CASK: variants seen among roughly 807,000 people sequenced by gnomAD.
CASK encodes peripheral plasma membrane protein CASK.
In CASK, 4 loss-of-function variants were observed where a neutral mutation model predicts 82.9. The observed-to-expected ratio is 0.05, with a 90% confidence interval of 0.02 to 0.11. The LOEUF (loss-of-function observed/expected upper bound fraction) is 0.11, where lower values mean the gene tolerates loss of function less well. CASK is among the 10% of genes least tolerant of loss of function. The probability of loss-of-function intolerance (pLI) is 1.00; values close to 1 mark genes in which losing one functional copy is unlikely to be tolerated. For synonymous variants in CASK, 259 were observed against 253.5 expected (o/e 1.02, Z -0.20); for missense variants, 358 against 720.9 (o/e 0.50, Z 5.76).
At chrX:41,859,917 C>A (rs2071445260) in intron 1 of CASK, among the ~76,000 whole-genome samples, 1 of 111,295 alleles carries the variant, frequency 9.0e-6, no homozygotes, top group African/African-American at 3.3e-5. Context: ...ATTCAGCATT[C>A]ATGGTAACTT....
chrX:41,708,072 C>T (rs760953110), intron 5 of CASK, among the ~76,000 whole-genome samples: 51 of 102,676 alleles, frequency 5.0e-4, no homozygotes, highest in African/African-American at 1.4e-3. Context: ...GAGCCGAGAT[C>T]GCGCCACTGC....
At chrX:41,654,759 C>G (rs1429205938) in intron 8 of CASK, among the ~76,000 whole-genome samples, 3 of 111,966 alleles carry the variant, frequency 2.7e-5, no homozygotes, top group South Asian at 7.4e-4. Context: ...ATAATACTAT[C>G]AAAGGTTGGT....
chrX:41,743,396 T>TA (rs1270962426), intron 4 of CASK, among the ~76,000 whole-genome samples: 1 of 112,098 alleles, frequency 8.9e-6, no homozygotes, highest in Non-Finnish European at 1.9e-5. Context: ...AGATGGGATT[T>TA]AAAAAAACCC....
At chrX:41,578,818 C>T (rs1455309660) in intron 14 of CASK, among the ~76,000 whole-genome samples, 1 of 111,825 alleles carries the variant, frequency 8.9e-6, no homozygotes, top group Non-Finnish European at 1.9e-5. Flanking sequence ...ATATCTCATT[C>T]TTTTCCTCTC....
In CASK at chrX:41,748,825, C is replaced by T. The variant is rs768041059; in HGVS notation, c.279-3224G>A. ...GAAATACTTGGAAATTATTTACTGC[C>T]CTGTGCTATAATTATCAGCAAGGAT... is the stretch of plus-strand genomic sequence containing the variant. On this transcript the variant is annotated intron_variant, in intron 3 of 26. Transcript: ENST00000378163. Among the ~76,000 whole-genome samples the T allele has an allele frequency of 3.6e-5, 4 of 111,427 alleles. No homozygotes were observed. In the South Asian group the frequency reaches 1.5e-3, roughly 42 times the overall value.
intron 17 of CASK, among the ~76,000 whole-genome samples, chrX:41,561,169 C>T (rs2065223620): frequency 9.0e-6 from 1 of 111,390 alleles, no homozygotes; most frequent in Non-Finnish European, 1.9e-5. Flanking sequence ...GAGAAATCCA[C>T]GACAGCTGGC....
intron 11 of CASK, among the ~76,000 whole-genome samples, chrX:41,620,773 A>G (rs1364417313): frequency 8.9e-6 from 1 of 112,247 alleles, no homozygotes; most frequent in Non-Finnish European, 1.9e-5. Context: ...TTTGGACATA[A>G]GCATCTGTGC....
chrX:41,883,282 A>G (rs1452088259), intron 1 of CASK, among the ~76,000 whole-genome samples: 1 of 111,935 alleles, frequency 8.9e-6, no homozygotes, highest in African/African-American at 3.2e-5. Flanking sequence ...TGAAAGTCAC[A>G]TAATTTGAAG....
At chrX:41,578,217 T>C in intron 15 of CASK, 123 bp downstream of exon 15, 1 of 482,113 alleles carries the variant, frequency 2.1e-6, no homozygotes, top group Non-Finnish European at 3.5e-6. Context: ...TGGAAACTGA[T>C]TTCTTTAAAA....
chrX:41,612,709 G>T (rs2066104422), intron 11 of CASK, among the ~76,000 whole-genome samples: 1 of 87,859 alleles, frequency 1.1e-5, no homozygotes, highest in Non-Finnish European at 2.2e-5. Context: ...AGGTGGGGGG[G>T]TCAGCTCCCC....
intron 8 of CASK, among the ~76,000 whole-genome samples, chrX:41,649,882 G>A (rs1328613817): frequency 9.0e-6 from 1 of 111,230 alleles, no homozygotes; most frequent in Non-Finnish European, 1.9e-5. Flanking sequence ...TTGTGTGGGA[G>A]TCTAAGTCTC....
chrX:41,753,026 G>A (rs911860918), intron 3 of CASK, among the ~76,000 whole-genome samples: 5 of 111,743 alleles, frequency 4.5e-5, no homozygotes, highest in African/African-American at 1.6e-4. Flanking sequence ...CCAACAGAAT[G>A]GTTACATAAA....
At chrX:41,600,424 C>A (rs904679692) in intron 12 of CASK, among the ~76,000 whole-genome samples, 1 of 112,325 alleles carries the variant, frequency 8.9e-6, no homozygotes, top group Non-Finnish European at 1.9e-5. Flanking sequence ...TAGGGGGAAA[C>A]CCCTCCTTTC....
chrX:41,663,400 T>G (rs1014444331), intron 7 of CASK, among the ~76,000 whole-genome samples: 1 of 111,037 alleles, frequency 9.0e-6, no homozygotes, highest in African/African-American at 3.3e-5. Context: ...GTAAATAAAT[T>G]ATTAACCTCA....
intron 12 of CASK, among the ~76,000 whole-genome samples, chrX:41,601,042 A>G (rs2065887624): frequency 8.9e-6 from 1 of 111,796 alleles, no homozygotes; most frequent in Non-Finnish European, 1.9e-5. Context: ...CGTGGTACCT[A>G]GAGTAGTCAA....
At chrX:41,531,817 C>T (rs904753688) in intron 24 of CASK, among the ~76,000 whole-genome samples, 28 of 112,288 alleles carry the variant, frequency 2.5e-4, no homozygotes, top group African/African-American at 8.7e-4. Flanking sequence ...GCAAAAGACA[C>T]GTTACACTGA....
chrX:41,808,506 G>C (rs2070183473), intron 2 of CASK, among the ~76,000 whole-genome samples: 1 of 112,103 alleles, frequency 8.9e-6, no homozygotes, highest in Non-Finnish European at 1.9e-5. Context: ...CTCTGTAATA[G>C]TCTGTCTCTA....
At chrX:41,662,580 AG>A (rs766570398) in intron 7 of CASK, among the ~76,000 whole-genome samples, 2 of 110,715 alleles carry the variant, frequency 1.8e-5, no homozygotes, top group Admixed American at 9.6e-5. Flanking sequence ...ACTTGAGGCC[AG>A]GAGTTTGAGA....
At chrX:41,800,097 G>A (rs1274720576) in intron 2 of CASK, among the ~76,000 whole-genome samples, 2 of 110,920 alleles carry the variant, frequency 1.8e-5, no homozygotes, top group South Asian at 7.8e-4. Flanking sequence ...GTTGTCAAGA[G>A]AGCTACAGAG....
Sources: allele counts gnomAD v4.1 joint callset (sites outside exome capture counted in the v4.1 genomes callset), GRCh38; gene constraint gnomAD v4.1.1; transcripts MANE v1.5; gene names NCBI Gene and HGNC (gene_info 2026-07-23, HGNC 2026-07-21).